Variants in CSMD1 observed in about 807,000 individuals in gnomAD.
The protein encoded by CSMD1 is CUB and Sushi multiple domains 1.
CSMD1 carries 213 observed loss-of-function variants against 417.5 expected under a neutral mutation model. That is an observed-to-expected ratio of 0.51 (90% CI 0.46 to 0.57). The LOEUF (loss-of-function observed/expected upper bound fraction) is 0.57, where lower values mean the gene tolerates loss of function less well. Among genes scored for constraint, CSMD1 ranks in the 20% least tolerant of loss-of-function variants. The probability of loss-of-function intolerance (pLI) is 0.00; values close to 1 mark genes in which losing one functional copy is unlikely to be tolerated. For synonymous variants in CSMD1, 2,862 were observed against 1,736.8 expected (o/e 1.65, Z -16.11); for missense variants, 6,923 against 4,529.7 (o/e 1.53, Z -15.17).
intron 2 of CSMD1, among the ~76,000 whole-genome samples, chr8:4,505,083 T>C (rs933045059): frequency 6.6e-6 from 1 of 152,166 alleles, no homozygotes; most frequent in Non-Finnish European, 1.5e-5. Context: ...GTTGAACTAA[T>C]TTACACTCCT....
At chr8:4,073,750 A>G (rs1246092615) in intron 3 of CSMD1, among the ~76,000 whole-genome samples, 2 of 152,142 alleles carry the variant, frequency 1.3e-5, no homozygotes, top group Non-Finnish European at 1.5e-5. Flanking sequence ...CATTTCAGCA[A>G]TTTATACACT....
intron 2 of CSMD1, among the ~76,000 whole-genome samples, chr8:4,634,881 G>T (rs989701671): frequency 6.6e-6 from 1 of 152,090 alleles, no homozygotes; most frequent in Non-Finnish European, 1.5e-5. Context: ...GTAGAGACCT[G>T]TAACACTCAG....
intron 3 of CSMD1, among the ~76,000 whole-genome samples, chr8:4,336,513 G>T (rs1046967145): frequency 6.6e-6 from 1 of 152,136 alleles, no homozygotes; most frequent in African/African-American, 2.4e-5. Context: ...ATGGTGCCTG[G>T]CCAATAACGT....
chr8:4,649,228 C>G (rs541421099), intron 1 of CSMD1, among the ~76,000 whole-genome samples: 1 of 152,234 alleles, frequency 6.6e-6, no homozygotes, highest in African/African-American at 2.4e-5. Flanking sequence ...AGCACAGTGC[C>G]CAGTGCACAG....
At chr8:4,594,868 C>T (rs1441758466) in intron 2 of CSMD1, among the ~76,000 whole-genome samples, 2 of 152,058 alleles carry the variant, frequency 1.3e-5, no homozygotes, top group Non-Finnish European at 2.9e-5. Context: ...CTTCATCATG[C>T]TGAAGAGAAA....
At chr8:4,232,437 G>A (rs1041543412) in intron 3 of CSMD1, among the ~76,000 whole-genome samples, 1 of 152,136 alleles carries the variant, frequency 6.6e-6, no homozygotes, top group Non-Finnish European at 1.5e-5. Context: ...GACCTCAGGT[G>A]ATCTGCCCAC....
chr8:3,454,290 T>A (rs1256325836), intron 12 of CSMD1, among the ~76,000 whole-genome samples: 2 of 152,224 alleles, frequency 1.3e-5, no homozygotes, highest in African/African-American at 4.8e-5. Context: ...TGTCTTTTAA[T>A]TGGAGCATTT....
At chr8:3,822,780 A>G (rs1258484852) in intron 5 of CSMD1, among the ~76,000 whole-genome samples, 1 of 152,104 alleles carries the variant, frequency 6.6e-6, no homozygotes. Flanking sequence ...TAAAGAGAGG[A>G]TGGATAGTTG....
chr8:3,396,590 A>T (rs142275396), intron 16 of CSMD1, among the ~76,000 whole-genome samples: 151 of 152,286 alleles, frequency 9.9e-4, no homozygotes, highest in African/African-American at 3.5e-3. Flanking sequence ...CCTTTCTCTT[A>T]TCTAATATTC....
chr8:4,002,662 G>C (rs1340820554), intron 4 of CSMD1, among the ~76,000 whole-genome samples: 1 of 152,184 alleles, frequency 6.6e-6, no homozygotes, highest in Non-Finnish European at 1.5e-5. Context: ...AAGCTTTGCT[G>C]ACAGAAATGG....
At chr8:4,858,712 T>C (rs1275393421) in intron 1 of CSMD1, among the ~76,000 whole-genome samples, 1 of 148,416 alleles carries the variant, frequency 6.7e-6, no homozygotes, top group Non-Finnish European at 1.5e-5. Context: ...TTACAAGGGA[T>C]GTGAAGGACC....
At chr8:3,782,878 G>A (rs988450547) in intron 5 of CSMD1, among the ~76,000 whole-genome samples, 3 of 152,102 alleles carry the variant, frequency 2.0e-5, no homozygotes, top group East Asian at 1.9e-4. Context: ...ATACTATACC[G>A]TGAGCCATTA....
chr8:3,642,696 G>T (rs1585007128), intron 7 of CSMD1, among the ~76,000 whole-genome samples: 1 of 152,058 alleles, frequency 6.6e-6, no homozygotes, highest in Non-Finnish European at 1.5e-5. Context: ...GGATACAAAA[G>T]AAGTATATTT....
At chr8:3,883,348 C>T (rs1002818193) in intron 5 of CSMD1, among the ~76,000 whole-genome samples, 1 of 152,056 alleles carries the variant, frequency 6.6e-6, no homozygotes, top group Non-Finnish European at 1.5e-5. Flanking sequence ...CTAAAAAAGT[C>T]AATTAACATG....
chr8:3,032,385 T>G (rs1810399132), intron 50 of CSMD1, among the ~76,000 whole-genome samples: 2 of 151,940 alleles, frequency 1.3e-5, no homozygotes, highest in Admixed American at 1.3e-4. Flanking sequence ...CTTTGTCAGT[T>G]GTGTCTCCAT....
chr8:4,030,346 G>A (rs1797279351), intron 4 of CSMD1, among the ~76,000 whole-genome samples: 1 of 152,194 alleles, frequency 6.6e-6, no homozygotes, highest in South Asian at 2.1e-4. Flanking sequence ...TACTTCCTCT[G>A]AAATCTAGGC....
intron 10 of CSMD1, among the ~76,000 whole-genome samples, chr8:3,496,935 T>A (rs1228900834): frequency 6.6e-6 from 1 of 152,244 alleles, no homozygotes; most frequent in African/African-American, 2.4e-5. Context: ...AATTTCCATG[T>A]ATTCGTACAA....
chr8:3,637,990 T>C (rs1156524500), intron 7 of CSMD1, among the ~76,000 whole-genome samples: 2 of 152,214 alleles, frequency 1.3e-5, no homozygotes, highest in Non-Finnish European at 2.9e-5. Flanking sequence ...CTCAGTTATG[T>C]GGAACCATGA....
At chr8:4,107,113 G>A (rs1364725946) in intron 3 of CSMD1, among the ~76,000 whole-genome samples, 1 of 152,054 alleles carries the variant, frequency 6.6e-6, no homozygotes, top group Non-Finnish European at 1.5e-5. Context: ...CAGAAATGAG[G>A]ACTAACAACC....
Sources: gnomAD v4.1 joint callset for allele counts (sites outside exome capture counted in the v4.1 genomes callset) on GRCh38, gnomAD v4.1.1 for gene constraint, MANE v1.5 for transcripts, NCBI Gene and HGNC (gene_info 2026-07-23, HGNC 2026-07-21) for gene names.